Variants in GREB1L observed in about 807,000 individuals in gnomAD.
GREB1L encodes GREB1-like protein.
GREB1L carries 17 observed loss-of-function variants against 200.8 expected under a neutral mutation model. The ratio of observed to expected loss-of-function variants is 0.08; its 90% CI spans 0.06 to 0.13. The LOEUF is 0.13. Ranked by LOEUF, GREB1L falls within the 10% of genes least tolerant of loss-of-function variation. The pLI, the probability that GREB1L is intolerant of heterozygous loss-of-function variation, is 1.00. For synonymous variants in GREB1L, 789 were observed against 893.0 expected (o/e 0.88, Z 2.08); for missense variants, 1,657 against 2,367.7 (o/e 0.70, Z 6.23).
At chr18:21,486,341 G>A (rs1443974337) in intron 18 of GREB1L, among the ~76,000 whole-genome samples, 2 of 149,032 alleles carry the variant, frequency 1.3e-5, no homozygotes, top group South Asian at 2.1e-4. Flanking sequence ...GTGACAGAGC[G>A]AGACTCCGTC....
Position 21,477,197 on chromosome 18 carries a change from C to T in GREB1L, c.2397C>T (p.Pro799=), listed in dbSNP as rs1248816640. 1.1e-5 allele frequency: 17 copies of T among 1,551,686 alleles called. No homozygotes were observed. Among genetic ancestry groups the T allele is most frequent in the East Asian group, 9.8e-5 (4 of 40,932 alleles). Reference sequence around the variant, plus strand: ...CAGGCTCTTTGTCACATAGCGAACCCAGTCATGGGCTAGCTGATAGAGTCA... The same window carrying T: ...CAGGCTCTTTGTCACATAGCGAACCTAGTCATGGGCTAGCTGATAGAGTCA... The part of the protein sequence containing the change: ...VISGSLSHSE[P]SHGLADRVIN... Residue 799 remains proline, a synonymous_variant, in exon 17 of 33, where the codon CCC becomes CCT. Transcript: ENST00000424526.
chr18:21,259,115 G>A (rs181215275), intron 1 of GREB1L, among the ~76,000 whole-genome samples: 1 of 152,228 alleles, frequency 6.6e-6, no homozygotes, highest in Non-Finnish European at 1.5e-5. Flanking sequence ...CCCTTGGAAA[G>A]CTAAAGTTCA....
At chr18:21,476,177 A>C (rs779827345) in intron 16 of GREB1L, among the ~76,000 whole-genome samples, 2 of 152,044 alleles carry the variant, frequency 1.3e-5, no homozygotes, top group Non-Finnish European at 2.9e-5. Flanking sequence ...AATTTCAGAC[A>C]TCATCAAGCA....
Position 21,452,180 on chromosome 18 carries a change from C to T in GREB1L, c.1947C>T (p.Pro649=), listed in dbSNP as rs1284146398. ...GAGACCTTAATGAATGTGTGTCACC[C>T]CAGGAGGCTGCTGCTATGATTCCCA... ...FDGDLNECVS[P]QEAAAMIPTQ... The change falls in exon 14 of 33, where the codon CCC becomes CCT. Residue 649 remains proline, a synonymous_variant. Coordinates refer to ENST00000424526, the MANE Select transcript of GREB1L (RefSeq NM_001142966.3). 1 of 1,551,582 alleles carries T rather than the reference C, an allele frequency of 6.4e-7. No homozygotes were observed. Among genetic ancestry groups the T allele is most frequent in the East Asian group, 2.4e-5 (1 of 40,918 alleles).
intron 15 of GREB1L, among the ~76,000 whole-genome samples, chr18:21,468,214 TA>T (rs1331458053): frequency 1.3e-5 from 2 of 152,108 alleles, no homozygotes; most frequent in Non-Finnish European, 2.9e-5. Context: ...TAAAGAGAAA[TA>T]AAGTATTGAT....
At chr18:21,494,880 T>A (rs2036486982) in intron 19 of GREB1L, among the ~76,000 whole-genome samples, 1 of 152,254 alleles carries the variant, frequency 6.6e-6, no homozygotes, top group Non-Finnish European at 1.5e-5. Flanking sequence ...TTGGCGGGAT[T>A]ACTTTTCATT....
intron 1 of GREB1L, among the ~76,000 whole-genome samples, chr18:21,268,556 C>CATATATATAT (rs2038019099): frequency 1.0e-5 from 1 of 95,754 alleles, no homozygotes; most frequent in African/African-American, 5.3e-5. Flanking sequence ...CACACACACA[C>CATATATATAT]ACACATATAT....
chr18:21,478,227 A>G (rs988508745), intron 17 of GREB1L, among the ~76,000 whole-genome samples: 31 of 152,338 alleles, frequency 2.0e-4, no homozygotes, highest in African/African-American at 7.0e-4. Flanking sequence ...AGTAGCAGTG[A>G]ATGTGTTGAG....
chr18:21,508,918 G>T (rs961563499), intron 27 of GREB1L, among the ~76,000 whole-genome samples: 2 of 152,140 alleles, frequency 1.3e-5, no homozygotes, highest in Non-Finnish European at 2.9e-5. Flanking sequence ...GGGAAGGAAT[G>T]TAACCATGAG....
chr18:21,332,083 C>A (rs954705026), intron 1 of GREB1L, among the ~76,000 whole-genome samples: 1 of 152,074 alleles, frequency 6.6e-6, no homozygotes, highest in African/African-American at 2.4e-5. Context: ...ACAACAACAA[C>A]AAAAAAGATT....
intron 1 of GREB1L, among the ~76,000 whole-genome samples, chr18:21,251,171 C>T (rs567578595): frequency 2.0e-5 from 3 of 151,388 alleles, no homozygotes; most frequent in Admixed American, 6.6e-5. Context: ...AACAAACAAA[C>T]GAAAACTGTA....
intron 1 of GREB1L, among the ~76,000 whole-genome samples, chr18:21,305,810 T>G (rs2038689950): frequency 6.6e-6 from 1 of 152,184 alleles, no homozygotes; most frequent in Admixed American, 6.5e-5. Context: ...TTTCACTTAC[T>G]GGCCTTCTGA....
At chr18:21,505,659 C>A (rs557379955) in intron 24 of GREB1L, 92 bp downstream of exon 24, 5 of 1,437,532 alleles carry the variant, frequency 3.5e-6, no homozygotes, top group Non-Finnish European at 3.8e-6. Context: ...CGCTCTTATG[C>A]GCATCATTTT....
chr18:21,516,856 A>G, intron 30 of GREB1L, 102 bp downstream of exon 30: 1 of 1,117,582 alleles, frequency 8.9e-7, no homozygotes, highest in Non-Finnish European at 1.2e-6. Flanking sequence ...TTTTATTAGA[A>G]AAGTGAAATA....
intron 7 of GREB1L, among the ~76,000 whole-genome samples, chr18:21,404,832 A>G (rs926456593): frequency 6.6e-6 from 1 of 152,230 alleles, no homozygotes; most frequent in Non-Finnish European, 1.5e-5. Context: ...TTTTTTGTGG[A>G]GTACATTTTA....
At chr18:21,402,422 T>TTTTTC (rs2041354850) in intron 6 of GREB1L, among the ~76,000 whole-genome samples, 1 of 151,854 alleles carries the variant, frequency 6.6e-6, no homozygotes, top group Non-Finnish European at 1.5e-5. Context: ...CATTTATCTT[T>TTTTTC]TTTTCTTTTC....
At chr18:21,513,586 C>A (rs1033094046) in intron 27 of GREB1L, among the ~76,000 whole-genome samples, 1 of 152,342 alleles carries the variant, frequency 6.6e-6, no homozygotes, top group South Asian at 2.1e-4. Context: ...CTGGCCCTTA[C>A]ACCATACCGA....
chr18:21,436,675 T>C (rs911505929), intron 7 of GREB1L, among the ~76,000 whole-genome samples: 9 of 134,624 alleles, frequency 6.7e-5, no homozygotes, highest in Admixed American at 6.3e-4. Context: ...CAGTGGTGTG[T>C]GTGTGTGTGT....
intron 1 of GREB1L, among the ~76,000 whole-genome samples, chr18:21,340,047 G>A (rs537425900): frequency 4.3e-4 from 66 of 152,140 alleles, no homozygotes; most frequent in South Asian, 2.3e-3. Context: ...CATGCTCCTC[G>A]CCCCCACCCG....
Sources: gnomAD v4.1 joint callset for allele counts (sites outside exome capture counted in the v4.1 genomes callset) on GRCh38, gnomAD v4.1.1 for gene constraint, MANE v1.5 for transcripts, NCBI Gene and HGNC (gene_info 2026-07-23, HGNC 2026-07-21) for gene names.